The following MRTFA variants were observed in gnomAD, a reference collection of about 807,000 sequenced individuals.
MRTFA encodes the protein myocardin related transcription factor A.
A neutral mutation model predicts 83.5 loss-of-function variants in MRTFA; 20 were observed. That is an observed-to-expected ratio of 0.24 (90% CI 0.17 to 0.35). The LOEUF (loss-of-function observed/expected upper bound fraction) is 0.35, where lower values mean the gene tolerates loss of function less well. MRTFA is among the 10% of genes least tolerant of loss of function. The pLI is 1.00. For synonymous variants in MRTFA, 659 were observed against 541.2 expected, an observed-to-expected ratio of 1.22 and a Z score of -3.02; for missense variants, 1,200 against 1,224.7, an observed-to-expected ratio of 0.98 and a Z score of 0.30.
chr22:40,448,378 G>A (rs2053423650), intron 4 of MRTFA, among the ~76,000 whole-genome samples: 1 of 152,088 alleles, frequency 6.6e-6, no homozygotes, highest in African/African-American at 2.4e-5. Context: ...GGAGGCTGAG[G>A]TGGGAGGATC....
intron 2 of MRTFA, among the ~76,000 whole-genome samples, chr22:40,584,481 A>T (rs1238926473): frequency 6.6e-6 from 1 of 152,254 alleles, no homozygotes; most frequent in East Asian, 1.9e-4. Flanking sequence ...TTGCGCCTAT[A>T]ATCCCAGCAC....
At chr22:40,449,670 T>C (rs1330542021) in intron 4 of MRTFA, among the ~76,000 whole-genome samples, 1 of 152,242 alleles carries the variant, frequency 6.6e-6, no homozygotes, top group Non-Finnish European at 1.5e-5. Flanking sequence ...CAGGTGCTGA[T>C]TAAAACTACA....
chr22:40,621,910 T>C (rs2056527275), intron 1 of MRTFA, among the ~76,000 whole-genome samples: 1 of 152,220 alleles, frequency 6.6e-6, no homozygotes, highest in East Asian at 1.9e-4. Context: ...CCAGTGTATT[T>C]TGGGAACAGA....
chr22:40,543,151 A>T (rs2055315873), intron 3 of MRTFA, among the ~76,000 whole-genome samples: 1 of 152,220 alleles, frequency 6.6e-6, no homozygotes, highest in Non-Finnish European at 1.5e-5. Context: ...CAACTGGGCG[A>T]CCTAATCTAG....
chr22:40,417,761 C>T, intron 12 of MRTFA: 1 of 461,412 alleles, frequency 2.2e-6, no homozygotes, highest in Non-Finnish European at 3.9e-6. Context: ...GAGATTTCTG[C>T]AGCTTCTTTC....
chr22:40,439,846 G>A (rs2053240986), intron 4 of MRTFA: 1 of 152,604 alleles, frequency 6.6e-6, no homozygotes, highest in East Asian at 1.9e-4. Context: ...CAGAAACGAA[G>A]ACCAAGAAAA....
chr22:40,536,002 T>A (rs1156857463), intron 3 of MRTFA, among the ~76,000 whole-genome samples: 1 of 152,068 alleles, frequency 6.6e-6, no homozygotes, highest in East Asian at 1.9e-4. Flanking sequence ...AGAAAAACAA[T>A]TTTTTAAACA....
chr22:40,613,584 G>A (rs1182363001), intron 1 of MRTFA, among the ~76,000 whole-genome samples: 2 of 152,064 alleles, frequency 1.3e-5, no homozygotes, highest in Non-Finnish European at 2.9e-5. Context: ...GTCCAGGTAT[G>A]GTGGCTCGTG....
At chr22:40,426,438 T>C (rs908277470) in intron 7 of MRTFA, among the ~76,000 whole-genome samples, 1 of 152,184 alleles carries the variant, frequency 6.6e-6, no homozygotes, top group South Asian at 2.1e-4. Flanking sequence ...CACAGAACTA[T>C]TGAGCAAATG....
intron 2 of MRTFA, among the ~76,000 whole-genome samples, chr22:40,575,511 C>A (rs945903360): frequency 4.9e-4 from 74 of 152,186 alleles, no homozygotes; most frequent in Non-Finnish European, 5.7e-4. Context: ...AGGTGAGTAG[C>A]AGTAAAAAGT....
At chr22:40,622,041 A>G (rs2056528976) in intron 1 of MRTFA, among the ~76,000 whole-genome samples, 1 of 152,128 alleles carries the variant, frequency 6.6e-6, no homozygotes, top group Non-Finnish European at 1.5e-5. Flanking sequence ...AGATGGGTGT[A>G]TTTTGCCTGT....
intron 1 of MRTFA, among the ~76,000 whole-genome samples, chr22:40,620,788 C>T (rs1158651921): frequency 6.6e-6 from 1 of 151,904 alleles, no homozygotes; most frequent in African/African-American, 2.4e-5. Context: ...TGACAAGAAC[C>T]CCCAAAATAT....
intron 3 of MRTFA, among the ~76,000 whole-genome samples, chr22:40,495,586 C>T (rs2147210237): frequency 6.7e-6 from 1 of 149,278 alleles, no homozygotes; most frequent in Non-Finnish European, 1.5e-5. Flanking sequence ...TGGTGTAACA[C>T]TATCTCTACT....
At chr22:40,472,634 A>C (rs186758352) in intron 3 of MRTFA, among the ~76,000 whole-genome samples, 1 of 152,346 alleles carries the variant, frequency 6.6e-6, no homozygotes, top group African/African-American at 2.4e-5. Context: ...TCATGTGAAC[A>C]CTTCTAGGAG....
chr22:40,507,747 G>C (rs1427629869), intron 3 of MRTFA, among the ~76,000 whole-genome samples: 2 of 151,896 alleles, frequency 1.3e-5, no homozygotes, highest in East Asian at 3.9e-4. Flanking sequence ...GGTGGATCAC[G>C]AGGTCAGGAA....
intron 1 of MRTFA, among the ~76,000 whole-genome samples, chr22:40,614,069 G>A (rs1569353053): frequency 6.6e-6 from 1 of 151,830 alleles, no homozygotes; most frequent in African/African-American, 2.4e-5. Context: ...GGGCATGGTG[G>A]CGCATGCCTG....
chr22:40,496,522 G>C (rs1259021744), intron 3 of MRTFA, among the ~76,000 whole-genome samples: 1 of 147,620 alleles, frequency 6.8e-6, no homozygotes, highest in East Asian at 2.0e-4. Flanking sequence ...TCAAGAAAGG[G>C]CACCAGGCTG....
At chr22:40,579,999 C>T (rs1030693703) in intron 2 of MRTFA, among the ~76,000 whole-genome samples, 7 of 151,996 alleles carry the variant, frequency 4.6e-5, no homozygotes, top group Non-Finnish European at 8.8e-5. Flanking sequence ...AAGCACTTTT[C>T]GAGCAAGGAA....
At position 40,411,660 on chromosome 22, in the gene MRTFA, G is replaced by T. The variant is rs371546507; in HGVS notation, c.2826C>A (p.Asp942Glu). The change falls in exon 15 of 15, where the codon GAC becomes GAA. Residue 942 changes from aspartate (D) to glutamate (E), a missense_variant. By Grantham distance (45) the Asp-to-Glu change is conservative. Around this residue, in one of 2 missense-constraint regions of MRTFA, gnomAD observed 1,107 missense variants for 1,041.8 expected, o/e 1.06. Transcript: ENST00000355630. ...TGCTGCTCAGCATCTGGCTATGGAG[G>T]TCGTCAATGAGGGAAAGGGGCTCTG... The T allele has an allele frequency of 6.2e-7, 1 of 1,611,486 alleles. No individual in the cohort carries two copies. Among genetic ancestry groups the T allele is most frequent in the Non-Finnish European group, 8.5e-7 (1 of 1,178,694 alleles).
Sources: allele counts gnomAD v4.1 joint callset (sites outside exome capture counted in the v4.1 genomes callset), GRCh38; gene constraint gnomAD v4.1.1; regional missense constraint gnomAD v4.1.1; transcripts MANE v1.5; gene names NCBI Gene and HGNC (gene_info 2026-07-23, HGNC 2026-07-21).